Variants in NCKAP5 observed in about 807,000 individuals in gnomAD.
NCKAP5 encodes nck-associated protein 5.
A neutral mutation model predicts 167.0 loss-of-function variants in NCKAP5; 92 were observed. The observed-to-expected ratio is 0.55, with a 90% CI of 0.47 to 0.66. The LOEUF (loss-of-function observed/expected upper bound fraction) is 0.66, where lower values mean the gene tolerates loss of function less well. Ranked by LOEUF, NCKAP5 falls within the 30% of genes least tolerant of loss-of-function variation. The pLI is 0.00. For missense variants in NCKAP5, 2,378 were observed against 2,315.0 expected, an observed-to-expected ratio of 1.03 and a Z score of -0.56; for synonymous variants, 891 against 877.4, an observed-to-expected ratio of 1.02 and a Z score of -0.27.
At chr2:133,474,155 T>TCTATCTATACAC (rs1553649110) in intron 3 of NCKAP5, among the ~76,000 whole-genome samples, 37 of 142,642 alleles carry the variant, frequency 2.6e-4, no homozygotes, top group Admixed American at 1.2e-3. Context: ...TATCTATCTA[T>TCTATCTATACAC]ACACACACAC....
At chr2:132,993,213 C>T (rs1032078592) in intron 7 of NCKAP5, among the ~76,000 whole-genome samples, 2 of 152,180 alleles carry the variant, frequency 1.3e-5, no homozygotes, top group Non-Finnish European at 2.9e-5. Context: ...CTTTTTAAAG[C>T]TTTTCATACA....
At chr2:132,869,443 A>G (rs1690621306) in intron 9 of NCKAP5, among the ~76,000 whole-genome samples, 1 of 152,170 alleles carries the variant, frequency 6.6e-6, no homozygotes, top group Non-Finnish European at 1.5e-5. Context: ...GCATAGGGAC[A>G]ACTCATTGTT....
chr2:133,332,553 A>T (rs1682929105), intron 3 of NCKAP5, among the ~76,000 whole-genome samples: 1 of 152,234 alleles, frequency 6.6e-6, no homozygotes, highest in African/African-American at 2.4e-5. Context: ...GGCAATAATC[A>T]TATAGTCAAT....
At chr2:133,042,058 T>C (rs991979545) in intron 6 of NCKAP5, among the ~76,000 whole-genome samples, 9 of 152,196 alleles carry the variant, frequency 5.9e-5, no homozygotes, top group Admixed American at 1.3e-4. Flanking sequence ...TACTTGATGA[T>C]TTGATTAATC....
the NCKAP5 span, among the ~76,000 whole-genome samples, chr2:133,610,699 C>T: frequency 3.9e-5 from 6 of 152,164 alleles, no homozygotes; most frequent in Non-Finnish European, 7.4e-5. Context: ...CACACACACA[C>T]ACTCTCTCTC....
At chr2:133,311,940 A>G (rs775746827) in intron 3 of NCKAP5, among the ~76,000 whole-genome samples, 1 of 152,224 alleles carries the variant, frequency 6.6e-6, no homozygotes, top group Non-Finnish European at 1.5e-5. Context: ...ATTCCAAACT[A>G]TTGATAATTT....
chr2:133,078,670 C>T lies in NCKAP5; in HGVS notation c.341+51308G>A, dbSNP rs185585793. Among the ~76,000 whole-genome samples, 66 of 152,252 alleles carry T rather than the reference C, an allele frequency of 4.3e-4. 1 individual carries two copies. Among genetic ancestry groups the T allele is most frequent in the Non-Finnish European group, 7.1e-4 (48 of 67,986 alleles). ...CCTCATGCTCCCCATTTATACTAAT[C>T]ACTCCTCCTATTTAGATCACTGGCT... On this transcript the variant is annotated intron_variant, in intron 6 of 19. Coordinates refer to ENST00000409261, the MANE Select transcript of NCKAP5 (RefSeq NM_207363.3).
At chr2:133,200,798 C>T (rs1412642742) in intron 5 of NCKAP5, among the ~76,000 whole-genome samples, 3 of 152,016 alleles carry the variant, frequency 2.0e-5, no homozygotes, top group Non-Finnish European at 4.4e-5. Flanking sequence ...TGCAAACAGC[C>T]CAAATATCTG....
the NCKAP5 span, among the ~76,000 whole-genome samples, chr2:133,627,744 G>A: frequency 1.3e-5 from 2 of 152,152 alleles, no homozygotes; most frequent in Non-Finnish European, 2.9e-5. Flanking sequence ...AACTGTATAT[G>A]CTCAGAGGCA....
chr2:132,920,790 T>C (rs1200556541), intron 8 of NCKAP5, among the ~76,000 whole-genome samples: 2 of 89,674 alleles, frequency 2.2e-5, no homozygotes, highest in East Asian at 4.5e-4. Context: ...TATATATATA[T>C]ATATATATAT....
intron 5 of NCKAP5, among the ~76,000 whole-genome samples, chr2:133,201,204 A>G (rs1167016804): frequency 6.6e-6 from 1 of 152,216 alleles, no homozygotes; most frequent in African/African-American, 2.4e-5. Flanking sequence ...GCTGGACATA[A>G]GAATGACTCA....
chr2:133,552,950 C>T (rs921938913), intron 2 of NCKAP5, among the ~76,000 whole-genome samples: 3 of 152,100 alleles, frequency 2.0e-5, no homozygotes, highest in African/African-American at 7.2e-5. Context: ...AAGTAGAAGT[C>T]AGAGCCCAAG....
intron 16 of NCKAP5, among the ~76,000 whole-genome samples, chr2:132,754,052 CAT>C (rs1210153096): frequency 6.6e-6 from 1 of 152,224 alleles, no homozygotes; most frequent in African/African-American, 2.4e-5. Flanking sequence ...AGGCTGAAGA[CAT>C]GTGTCTGTGG....
At chr2:133,570,740 G>A (rs1370152410), upstream of NCKAP5, among the ~76,000 whole-genome samples, 5 of 152,190 alleles carry the variant, frequency 3.3e-5, no homozygotes, top group African/African-American at 4.8e-5. Context: ...GCACCGGAGC[G>A]ACAAGTCAGA....
chr2:132,743,301 G>A (rs1679362457), intron 16 of NCKAP5, among the ~76,000 whole-genome samples: 1 of 151,722 alleles, frequency 6.6e-6, no homozygotes, highest in Non-Finnish European at 1.5e-5. Context: ...AAAATTTGCA[G>A]GGCAGATGTA....
chr2:133,189,707 AG>A (rs2085120023), intron 5 of NCKAP5, among the ~76,000 whole-genome samples: 1 of 152,228 alleles, frequency 6.6e-6, no homozygotes, highest in Non-Finnish European at 1.5e-5. Flanking sequence ...CAATAGATGC[AG>A]AAAAGGCCTT....
intron 3 of NCKAP5, among the ~76,000 whole-genome samples, chr2:133,304,892 T>C (rs1006624112): frequency 3.3e-5 from 5 of 152,102 alleles, no homozygotes; most frequent in Admixed American, 2.6e-4. Flanking sequence ...AAACAGGTGA[T>C]AGGAAAGACT....
chr2:132,764,716 C>G (rs570425893), intron 16 of NCKAP5, among the ~76,000 whole-genome samples: 43 of 152,318 alleles, frequency 2.8e-4, no homozygotes, highest in African/African-American at 9.9e-4. Flanking sequence ...GCACTTCCCA[C>G]CCACATTTTG....
At chr2:133,431,173 A>C (rs1305233788) in intron 3 of NCKAP5, among the ~76,000 whole-genome samples, 8 of 152,194 alleles carry the variant, frequency 5.3e-5, no homozygotes, top group African/African-American at 1.4e-4. Flanking sequence ...GATGAGACAG[A>C]TAGGAAACTA....
Sources: gnomAD v4.1 joint callset for allele counts (sites outside exome capture counted in the v4.1 genomes callset) on GRCh38, gnomAD v4.1.1 for gene constraint, MANE v1.5 for transcripts, NCBI Gene and HGNC (gene_info 2026-07-23, HGNC 2026-07-21) for gene names.